Variants in PCDHGA3 observed in about 807,000 individuals in gnomAD.
The protein encoded by PCDHGA3 is protocadherin gamma-A3.
In PCDHGA3, 40 loss-of-function variants were observed where a neutral mutation model predicts 58.5. The observed-to-expected ratio is 0.68, with a 90% CI of 0.53 to 0.89. PCDHGA3 has a LOEUF of 0.89. Among genes scored for constraint, PCDHGA3 ranks in the 40% least tolerant of loss-of-function variants. The probability of loss-of-function intolerance (pLI) is 0.00; values close to 1 mark genes in which losing one functional copy is unlikely to be tolerated. For synonymous variants in PCDHGA3, 530 were observed against 525.7 expected (o/e 1.01, Z -0.11); for missense variants, 1,223 against 1,195.9 (o/e 1.02, Z -0.33).
intron 1 of PCDHGA3, chr5:141,362,723 G>T (rs1762653397): frequency 2.3e-6 from 2 of 865,892 alleles, no homozygotes; most frequent in Admixed American, 5.9e-5. Flanking sequence ...TCTCTGAAGT[G>T]TGAGATTTAT....
intron 1 of PCDHGA3, among the ~76,000 whole-genome samples, chr5:141,368,535 T>C (rs1765706037): frequency 6.6e-6 from 1 of 152,178 alleles, no homozygotes; most frequent in South Asian, 2.1e-4. Context: ...AAAACTTGCT[T>C]TTCCATTTTT....
At position 141,477,898 on chromosome 5, in the gene PCDHGA3, A is replaced by C; in HGVS notation, c.2425-16909A>C. The C allele has an allele frequency of 6.2e-7, 1 of 1,614,158 alleles. No individual in the cohort carries two copies. Among genetic ancestry groups the C allele is most frequent in the East Asian group, 2.2e-5 (1 of 44,864 alleles). ...CTGGCCACCTAGTGTCACGGGTGGT[A>C]GGCTGGGACGCGGATGCAGGGCACA... On this transcript the variant is annotated intron_variant, in intron 1 of 3. Transcript: ENST00000253812. This position sits in a 1 kb window ranked among gnomAD's most constrained non-coding sequence, Gnocchi z 4.9.
In PCDHGA3 at chr5:141,408,733, T is replaced by C. The variant is rs753545231; in HGVS notation, c.2424+62276T>C. The C allele has an allele frequency of 7.5e-6, 12 of 1,610,158 alleles. No individual in the cohort carries two copies. The South Asian group carries it at 1.3e-4, about 18-fold the overall frequency. Reference sequence around the variant, plus strand: ...ATTATAAGATAAACTCTAATCCTTATTTTTCATTAATGGTTAGAGTTAATT... The same window carrying C: ...ATTATAAGATAAACTCTAATCCTTACTTTTCATTAATGGTTAGAGTTAATT... On this transcript the variant is annotated intron_variant, in intron 1 of 3. Transcript: ENST00000253812.
chr5:141,375,241 C>G (rs774856817), intron 1 of PCDHGA3: 20 of 1,613,942 alleles, frequency 1.2e-5, no homozygotes, highest in Non-Finnish European at 1.7e-5. Context: ...CCTGTTCCAT[C>G]CCGAGAAGTC....
chr5:141,392,801 C>A, intron 1 of PCDHGA3: 1 of 1,570,660 alleles, frequency 6.4e-7, no homozygotes, highest in Admixed American at 1.9e-5. Flanking sequence ...GAGGATTCTG[C>A]AGCAAAACAA....
intron 1 of PCDHGA3, chr5:141,410,156 C>T: frequency 6.2e-7 from 1 of 1,613,514 alleles, no homozygotes; most frequent in Non-Finnish European, 8.5e-7. Context: ...CGGTGGACAG[C>T]CGCCACTCTC....
intron 1 of PCDHGA3, chr5:141,354,966 C>T: frequency 2.0e-6 from 1 of 512,280 alleles, no homozygotes; most frequent in Non-Finnish European, 3.3e-6. Flanking sequence ...CAGGTTAAGA[C>T]TCTGGGTGTC....
chr5:141,432,286 C>T lies in PCDHGA3; in HGVS notation c.2425-62521C>T. ...TATCGTCCTACGTGTCCATCAACTCCGACACTGGGGTACTGTATGCGCTGA... is the reference window on the plus strand; with the variant it reads ...TATCGTCCTACGTGTCCATCAACTCTGACACTGGGGTACTGTATGCGCTGA... On this transcript the variant is annotated intron_variant, in intron 1 of 3. Transcript: ENST00000253812. This position sits in a 1 kb window ranked among gnomAD's most constrained non-coding sequence, Gnocchi z 6.0. 3 of 1,614,252 alleles carry T rather than the reference C, an allele frequency of 1.9e-6. No homozygotes were observed. Among genetic ancestry groups the T allele is most frequent in the Non-Finnish European group, 2.5e-6 (3 of 1,180,048 alleles).
At chr5:141,366,856 T>C (rs900954854) in intron 1 of PCDHGA3, 26 of 1,424,752 alleles carry the variant, frequency 1.8e-5, no homozygotes, top group Non-Finnish European at 2.4e-5. Context: ...TAGTGGAACA[T>C]TATTTGCTGT....
At position 141,477,020 on chromosome 5, in the gene PCDHGA3, G is replaced by A; in HGVS notation, c.2425-17787G>A. The A allele has an allele frequency of 6.2e-7, 1 of 1,614,224 alleles. No individual in the cohort carries two copies. Among genetic ancestry groups the A allele is most frequent in the Non-Finnish European group, 8.5e-7 (1 of 1,180,048 alleles). ...ACTATTCGCCTTAGACCTTGTAACC[G>A]GGATGCTGACAATCAAGGGTCGGCT... On this transcript the variant is annotated intron_variant, in intron 1 of 3. Transcript: ENST00000253812. This position sits in a 1 kb window ranked among gnomAD's most constrained non-coding sequence, Gnocchi z 4.9.
intron 1 of PCDHGA3, among the ~76,000 whole-genome samples, chr5:141,347,844 T>C (rs1758028527): frequency 6.6e-6 from 1 of 152,102 alleles, no homozygotes; most frequent in South Asian, 2.1e-4. Flanking sequence ...GCCTGTTACA[T>C]ATGCCTAATG....
At chr5:141,427,965 C>G in intron 1 of PCDHGA3, 1 of 1,590,342 alleles carries the variant, frequency 6.3e-7, no homozygotes, top group Non-Finnish European at 8.6e-7. Flanking sequence ...GCCGCGGGTG[C>G]TGTACCCCGC....
chr5:141,468,339 A>G (rs1320544911), intron 1 of PCDHGA3: 2 of 151,348 alleles, frequency 1.3e-5, no homozygotes, highest in Non-Finnish European at 2.9e-5. Context: ...TCAAAAAAAA[A>G]AAAAAAAAAA....
intron 1 of PCDHGA3, chr5:141,382,901 T>C (rs748634682): frequency 5.8e-6 from 9 of 1,543,194 alleles, no homozygotes; most frequent in East Asian, 2.3e-5. Flanking sequence ...AGGACGACTA[T>C]GGCGGCTCAG....
intron 1 of PCDHGA3, chr5:141,427,786 C>G: frequency 1.4e-6 from 2 of 1,477,082 alleles, no homozygotes; most frequent in Non-Finnish European, 1.9e-6. Flanking sequence ...GCACTGTCGT[C>G]CTACGTGTCC....
chr5:141,413,809 C>G, intron 1 of PCDHGA3: 1 of 1,613,188 alleles, frequency 6.2e-7, no homozygotes. Flanking sequence ...AGAGGCCATT[C>G]ACCACCTGGT....
At chr5:141,423,327 A>G in intron 1 of PCDHGA3, 1 of 1,614,100 alleles carries the variant, frequency 6.2e-7, no homozygotes, top group Non-Finnish European at 8.5e-7. Flanking sequence ...CGGTGGCCGC[A>G]GTCTCCTGCA....
intron 1 of PCDHGA3, among the ~76,000 whole-genome samples, chr5:141,442,736 A>C (rs2098340663): frequency 6.6e-6 from 1 of 152,226 alleles, no homozygotes; most frequent in African/African-American, 2.4e-5. Flanking sequence ...CCTGTAGGTA[A>C]GGAGCATGTT....
intron 1 of PCDHGA3, chr5:141,418,640 A>G (rs1042874136): frequency 1.2e-6 from 2 of 1,614,042 alleles, no homozygotes; most frequent in Non-Finnish European, 1.7e-6. Flanking sequence ...AGGCACCTCC[A>G]TCCTGAGAGT....
Sources: gnomAD v4.1 joint callset for allele counts (sites outside exome capture counted in the v4.1 genomes callset) on GRCh38, gnomAD v4.1.1 for gene constraint, Gnocchi (gnomAD v3.1) non-coding constraint, MANE v1.5 for transcripts, NCBI Gene and HGNC (gene_info 2026-07-23, HGNC 2026-07-21) for gene names.